The following FRMPD3 variants were observed in gnomAD, a reference collection of about 807,000 sequenced individuals.
FRMPD3 encodes the protein FERM and PDZ domain-containing protein 3.
In FRMPD3, 42 loss-of-function variants were observed where a neutral mutation model predicts 97.9. The ratio of observed to expected loss-of-function variants is 0.43; its 90% CI spans 0.34 to 0.55. The LOEUF (loss-of-function observed/expected upper bound fraction) is 0.55, where lower values mean the gene tolerates loss of function less well. FRMPD3 is among the 20% of genes least tolerant of loss of function. The probability of loss-of-function intolerance (pLI) is 0.03; values close to 1 mark genes in which losing one functional copy is unlikely to be tolerated. For missense variants in FRMPD3, 1,303 were observed against 1,457.7 expected, an observed-to-expected ratio of 0.89 and a Z score of 1.73; for synonymous variants, 577 against 581.1, an observed-to-expected ratio of 0.99 and a Z score of 0.10.
At chrX:107,479,859 CACACACAGAGAG>C (rs1262226031) in intron 1 of FRMPD3, among the ~76,000 whole-genome samples, 3 of 106,622 alleles carry the variant, frequency 2.8e-5, no homozygotes, top group African/African-American at 1.1e-4. Flanking sequence ...CACACACACA[CACACACAGAGAG>C]AGAGAGAGGG....
At chrX:107,598,166 C>T (rs1286372658) in intron 14 of FRMPD3, 24 bp downstream of exon 14, 1 of 1,143,600 alleles carries the variant, frequency 8.7e-7, no homozygotes, top group Non-Finnish European at 1.2e-6. Flanking sequence ...CCTTCTCCCT[C>T]TTTCCACCCC....
At chrX:107,526,529 G>A in intron 1 of FRMPD3, 53 bp from the exon 2 acceptor site, 1 of 1,106,534 alleles carries the variant, frequency 9.0e-7, no homozygotes. Context: ...TGCTGGTTCT[G>A]AGGCTTAGTT....
intron 1 of FRMPD3, among the ~76,000 whole-genome samples, chrX:107,490,391 T>C (rs1921628014): frequency 8.9e-6 from 1 of 112,285 alleles, no homozygotes; most frequent in African/African-American, 3.2e-5. Context: ...ATTGGTAGCT[T>C]GATGGGGATG....
At chrX:107,552,587 C>G (rs867625381) in intron 6 of FRMPD3, among the ~76,000 whole-genome samples, 1 of 112,370 alleles carries the variant, frequency 8.9e-6, no homozygotes, top group Middle Eastern at 4.6e-3. Context: ...CACCTCTCCC[C>G]AGGGCCCAGG....
intron 1 of FRMPD3, among the ~76,000 whole-genome samples, chrX:107,489,490 A>G (rs1921599123): frequency 1.8e-5 from 2 of 111,624 alleles, no homozygotes; most frequent in African/African-American, 6.5e-5. Flanking sequence ...CATCCCCTCC[A>G]GCACCTGTTG....
At chrX:107,570,719 T>C (rs1922850282) in intron 12 of FRMPD3, among the ~76,000 whole-genome samples, 1 of 111,733 alleles carries the variant, frequency 8.9e-6, no homozygotes, top group Non-Finnish European at 1.9e-5. Context: ...CATCATCTTT[T>C]ACCCTTCCCC....
chrX:107,576,330 A>G lies in FRMPD3; in HGVS notation c.1312A>G (p.Met438Val). 8.3e-7 allele frequency: 1 copy of G among 1,210,453 alleles called. No homozygotes were observed. Among genetic ancestry groups the G allele is most frequent in the East Asian group, 3.0e-5 (1 of 33,817 alleles). ...IMDAKPLVLL[M>V]EWPEATNFAC... ...TCTTCTGCAGCCTCTGGTGCTGTTG[A>G]TGGAGTGGCCTGAAGCCACCAACTT... is the stretch of plus-strand genomic sequence containing the variant. The change falls in exon 13 of 15, where the codon ATG becomes GTG. Residue 438 changes from methionine (M) to valine (V), a missense_variant. This residue lies in a region of FRMPD3 where 535 missense variants were observed against 618.6 expected (regional missense o/e 0.86). Transcript: ENST00000683843.
At chrX:107,480,474 C>T (rs1482055886) in intron 1 of FRMPD3, among the ~76,000 whole-genome samples, 1 of 111,091 alleles carries the variant, frequency 9.0e-6, no homozygotes, top group Admixed American at 9.6e-5. Context: ...GCAGTTTCTG[C>T]CTCATACCTC....
At chrX:107,548,551 G>A (rs1048364225) in intron 5 of FRMPD3, among the ~76,000 whole-genome samples, 42 of 112,901 alleles carry the variant, frequency 3.7e-4, no homozygotes, top group African/African-American at 1.3e-3. Context: ...TTTGTTTAGT[G>A]TTGGGACTAC....
At chrX:107,563,087 A>G in intron 10 of FRMPD3, 24 bp from the exon 11 acceptor site, 8 of 1,178,226 alleles carry the variant, frequency 6.8e-6, no homozygotes, top group Non-Finnish European at 9.2e-6. Flanking sequence ...GGCTTCTCAT[A>G]TTTCTGGATG....
In FRMPD3 at chrX:107,604,303, G is replaced by A. The variant is rs1429883020; in HGVS notation, c.*930G>A. On this transcript the variant is annotated 3_prime_UTR_variant, in exon 15 of 15. Coordinates refer to ENST00000683843, the MANE Select transcript of FRMPD3 (RefSeq NM_001388459.1). Reference sequence around the variant, plus strand: ...GAGGGGGGTGGGGGGAGGGGGGAAAGGGGTAGGGGTGGGGGGTGTTGATGA... The same window carrying A: ...GAGGGGGGTGGGGGGAGGGGGGAAAAGGGTAGGGGTGGGGGGTGTTGATGA... The A allele has an allele frequency of 1.6e-5, 1 of 63,879 alleles. No individual in the cohort carries two copies. The highest frequency in any genetic ancestry group is 3.0e-5 in the Non-Finnish European group (1 of 32,925). 5.3% of individuals were successfully genotyped at this position (63,879 alleles called of 1,213,427 possible). A position where few individuals can be genotyped will look rare whatever the true frequency, so the allele number is the denominator to read the frequency against.
intron 1 of FRMPD3, among the ~76,000 whole-genome samples, chrX:107,493,297 G>A (rs1460767084): frequency 1.8e-5 from 2 of 108,701 alleles, no homozygotes; most frequent in Non-Finnish European, 3.8e-5. Context: ...TCTGAATCTT[G>A]TATTACCAGA....
chrX:107,575,377 A>G (rs1923061129), intron 12 of FRMPD3, among the ~76,000 whole-genome samples: 1 of 112,350 alleles, frequency 8.9e-6, no homozygotes, highest in Admixed American at 9.4e-5. Context: ...TATTTGACTA[A>G]GGAGCTCTTT....
Position 107,566,172 on chromosome X carries a change from G to C in FRMPD3, c.1296+1106G>C, listed in dbSNP as rs189021126. On this transcript the variant is annotated intron_variant, in intron 12 of 14. Coordinates refer to ENST00000683843, the MANE Select transcript of FRMPD3 (RefSeq NM_001388459.1). Reference sequence around the variant, plus strand: ...TTGAATACCAGTGACCACTGTGGGTGGGGGGCAGGCCTGCCTGCCAGCTGG... The same window carrying C: ...TTGAATACCAGTGACCACTGTGGGTCGGGGGCAGGCCTGCCTGCCAGCTGG... 8.8e-5 allele frequency among the ~76,000 whole-genome samples: 10 copies of C among 113,165 alleles called. No homozygotes were observed. In the East Asian group the frequency reaches 1.9e-3, roughly 22 times the overall value.
intron 1 of FRMPD3, among the ~76,000 whole-genome samples, chrX:107,453,344 T>G (rs901901703): frequency 9.1e-6 from 1 of 109,624 alleles, no homozygotes; most frequent in Non-Finnish European, 1.9e-5. Flanking sequence ...TGCCTTCACA[T>G]ATAGGCCCTA....
intron 11 of FRMPD3, among the ~76,000 whole-genome samples, chrX:107,564,481 C>T (rs1922516417): frequency 8.9e-6 from 1 of 112,152 alleles, no homozygotes; most frequent in East Asian, 2.8e-4. Context: ...ACACAGGATG[C>T]CGCCTTCTCA....
intron 5 of FRMPD3, 79 bp from the exon 6 acceptor site, chrX:107,549,970 C>T: frequency 7.8e-6 from 5 of 641,163 alleles, no homozygotes; most frequent in Middle Eastern, 3.0e-4. Flanking sequence ...TTTCTCTCTC[C>T]TTTTTCACAC....
At chrX:107,569,035 C>G (rs754481248) in intron 12 of FRMPD3, among the ~76,000 whole-genome samples, 1 of 111,603 alleles carries the variant, frequency 9.0e-6, no homozygotes, top group South Asian at 3.8e-4. Context: ...TGGCTAATGC[C>G]TGTAATCCCA....
chrX:107,576,329 G>A lies in FRMPD3; in HGVS notation c.1311G>A (p.Leu437=), dbSNP rs1923114314. The change falls in exon 13 of 15, where the codon TTG becomes TTA. Residue 437 remains leucine, a synonymous_variant. Transcript: ENST00000683843. ...CTCTTCTGCAGCCTCTGGTGCTGTT[G>A]ATGGAGTGGCCTGAAGCCACCAACT... The part of the protein sequence containing the change: ...SIMDAKPLVL[L]MEWPEATNFA... 3 of 1,210,696 alleles carry A rather than the reference G, an allele frequency of 2.5e-6. No individual in the cohort carries two copies. Among genetic ancestry groups the A allele is most frequent in the Non-Finnish European group, 3.4e-6 (3 of 895,302 alleles).
Sources: allele counts gnomAD v4.1 joint callset (sites outside exome capture counted in the v4.1 genomes callset), GRCh38; gene constraint gnomAD v4.1.1; regional missense constraint gnomAD v4.1.1; transcripts MANE v1.5; gene names NCBI Gene and HGNC (gene_info 2026-07-23, HGNC 2026-07-21).